Variants in SRPK2 observed in about 807,000 individuals in gnomAD.
SRPK2 encodes SRSF protein kinase 2, also known as SFRS protein kinase 2.
In SRPK2, 21 loss-of-function variants were observed where a neutral mutation model predicts 90.8. The observed-to-expected ratio is 0.23, with a 90% confidence interval of 0.16 to 0.33. The LOEUF (loss-of-function observed/expected upper bound fraction) is 0.33, where lower values mean the gene tolerates loss of function less well. Ranked by LOEUF, SRPK2 falls within the 10% of genes least tolerant of loss-of-function variation. The pLI is 1.00. For missense variants in SRPK2, 620 were observed against 869.0 expected, an observed-to-expected ratio of 0.71 and a Z score of 3.60; for synonymous variants, 288 against 311.1, an observed-to-expected ratio of 0.93 and a Z score of 0.78.
intron 2 of SRPK2, among the ~76,000 whole-genome samples, chr7:105,333,834 A>G (rs1039577377): frequency 1.3e-5 from 2 of 152,270 alleles, no homozygotes; most frequent in Non-Finnish European, 2.9e-5. Context: ...AATATACTAT[A>G]TTTATACCAT....
upstream of SRPK2, among the ~76,000 whole-genome samples, chr7:105,389,840 C>T (rs1021286802): frequency 2.6e-5 from 4 of 152,140 alleles, no homozygotes; most frequent in Non-Finnish European, 5.9e-5. Context: ...TTGAAAGATA[C>T]GCATTCTGAC....
At chr7:105,344,416 T>C (rs1441332743) in intron 2 of SRPK2, among the ~76,000 whole-genome samples, 1 of 144,082 alleles carries the variant, frequency 6.9e-6, no homozygotes, top group Non-Finnish European at 1.5e-5. Flanking sequence ...CCTTTTTTTT[T>C]TTTTTTTTTT....
At chr7:105,385,124 G>A (rs1821391299) in intron 2 of SRPK2, among the ~76,000 whole-genome samples, 1 of 146,112 alleles carries the variant, frequency 6.8e-6, no homozygotes, top group Admixed American at 7.0e-5. Context: ...CGCCCGCCTC[G>A]GCCTCCCAAA....
intron 2 of SRPK2, among the ~76,000 whole-genome samples, chr7:105,232,575 GT>G (rs1317117700): frequency 6.7e-6 from 1 of 149,970 alleles, no homozygotes; most frequent in East Asian, 2.0e-4. Context: ...TCAAACACTT[GT>G]AATCTAAGTC....
chr7:105,379,748 G>A (rs1011500687), intron 2 of SRPK2, among the ~76,000 whole-genome samples: 3 of 152,200 alleles, frequency 2.0e-5, no homozygotes, highest in African/African-American at 7.2e-5. Flanking sequence ...GGAAGCCGAG[G>A]CGGGCAGATC....
chr7:105,378,151 C>T (rs932578848), intron 2 of SRPK2, among the ~76,000 whole-genome samples: 3 of 152,124 alleles, frequency 2.0e-5, no homozygotes, highest in African/African-American at 7.2e-5. Context: ...CATGTTGACA[C>T]CAACTGCAGT....
intron 2 of SRPK2, among the ~76,000 whole-genome samples, chr7:105,314,310 C>T (rs1181958151): frequency 2.6e-5 from 4 of 152,024 alleles, no homozygotes; most frequent in South Asian, 2.1e-4. Flanking sequence ...CCAGCCTGGA[C>T]GACAGAGTAA....
At chr7:105,271,268 T>C (rs964090500) in intron 2 of SRPK2, among the ~76,000 whole-genome samples, 2 of 152,244 alleles carry the variant, frequency 1.3e-5, no homozygotes, top group Admixed American at 6.5e-5. Flanking sequence ...ACGAAGTTAA[T>C]GCCTATCTTG....
intron 2 of SRPK2, among the ~76,000 whole-genome samples, chr7:105,277,564 G>A (rs956045446): frequency 6.6e-6 from 1 of 152,196 alleles, no homozygotes; most frequent in Non-Finnish European, 1.5e-5. Flanking sequence ...CGTAATCTAG[G>A]AGGGTGGATG....
chr7:105,117,170 C>T lies in SRPK2; in HGVS notation c.*668G>A, dbSNP rs546107634. ...CCATATAGAGAATGACATCTTATAA[C>T]CCAGAGCCACTTTGTTTAAAATCCA... On this transcript the variant is annotated 3_prime_UTR_variant, in exon 16 of 16. Transcript: ENST00000393651. 6.6e-6 allele frequency: 1 copy of T among 152,120 alleles called. No homozygotes were observed. Among genetic ancestry groups the T allele is most frequent in the African/African-American group, 2.4e-5 (1 of 41,408 alleles). The allele number at this position is 152,120 out of a possible 1,614,324, so 9.4% of individuals were successfully genotyped here. A position where few individuals can be genotyped will look rare whatever the true frequency, so the allele number is the denominator to read the frequency against.
chr7:105,353,503 TTTG>T (rs34789062), intron 2 of SRPK2, among the ~76,000 whole-genome samples: 15,461 of 146,104 alleles, frequency 0.11, 977 homozygotes, highest in East Asian at 0.21. Flanking sequence ...TCCAGCCCAG[TTTG>T]TTGTTGTTGT....
downstream of SRPK2, among the ~76,000 whole-genome samples, chr7:105,116,131 T>C (rs1043894570): frequency 6.6e-6 from 1 of 152,202 alleles, no homozygotes; most frequent in African/African-American, 2.4e-5. Context: ...TAGTATGTTT[T>C]TGATGAACCA....
rs1799754740 is a variant in SRPK2 at position 105,117,607 on chromosome 7, T to A, written c.*231A>T. 1 of 543,624 alleles carries A rather than the reference T, an allele frequency of 1.8e-6. No individual in the cohort carries two copies. The highest frequency in any genetic ancestry group is 1.9e-5 in the African/African-American group (1 of 52,066). 33.7% of individuals were successfully genotyped at this position (543,624 alleles called of 1,614,324 possible). Reference sequence around the variant, plus strand: ...AACAATGCTTAGAGACATGTTATTGTTTCCAGAAGAAAATGGTCAGTAAAC... The same window carrying A: ...AACAATGCTTAGAGACATGTTATTGATTCCAGAAGAAAATGGTCAGTAAAC... On this transcript the variant is annotated 3_prime_UTR_variant, in exon 16 of 16. Transcript: ENST00000393651.
At chr7:105,324,580 A>G (rs958994220) in intron 2 of SRPK2, among the ~76,000 whole-genome samples, 2 of 152,212 alleles carry the variant, frequency 1.3e-5, no homozygotes, top group Non-Finnish European at 2.9e-5. Context: ...TTGCTGTTTT[A>G]GTGAGAGTGT....
At position 105,380,116 on chromosome 7, in the gene SRPK2, A is replaced by G. The variant is rs554537259; in HGVS notation, c.71+8532T>C. Among the ~76,000 whole-genome samples the G allele has an allele frequency of 1.2e-4, 18 of 152,346 alleles. No homozygotes were observed. The South Asian group carries it at 3.5e-3, about 30-fold the overall frequency. On this transcript the variant is annotated intron_variant, in intron 2 of 15. Transcript: ENST00000393651. ...CAAAGCAAGATCCTATCTCTAAAAAAGAAAATTAAAATTAAAAATGATGTT... is the reference window on the plus strand; with the variant it reads ...CAAAGCAAGATCCTATCTCTAAAAAGGAAAATTAAAATTAAAAATGATGTT...
intron 2 of SRPK2, among the ~76,000 whole-genome samples, chr7:105,260,562 T>C (rs1004357499): frequency 1.3e-5 from 2 of 152,218 alleles, no homozygotes; most frequent in Non-Finnish European, 2.9e-5. Context: ...TAAATCATGC[T>C]GCTATAAAGA....
intron 3 of SRPK2, among the ~76,000 whole-genome samples, chr7:105,190,875 G>A (rs867951527): frequency 6.6e-6 from 1 of 152,068 alleles, no homozygotes; most frequent in Non-Finnish European, 1.5e-5. Context: ...ATCCAACTGC[G>A]ACTTCACTGT....
At position 105,278,471 on chromosome 7, in the gene SRPK2, C is replaced by G. The variant is rs536310769; in HGVS notation, c.72-74686G>C. On this transcript the variant is annotated intron_variant, in intron 2 of 15. Coordinates refer to ENST00000393651, the MANE Select transcript of SRPK2 (RefSeq NM_182692.3). ...GGTGGATGACCTGAGGTCCGCAGTT[C>G]GAGACCAGCCTGGCCAACACGGTGA... Among the ~76,000 whole-genome samples, 6 of 147,968 alleles carry G rather than the reference C, an allele frequency of 4.1e-5. No individual in the cohort carries two copies. The South Asian group carries it at 1.3e-3, about 31-fold the overall frequency.
intron 2 of SRPK2, among the ~76,000 whole-genome samples, chr7:105,348,807 T>C (rs1816791400): frequency 6.6e-6 from 1 of 152,022 alleles, no homozygotes; most frequent in South Asian, 2.1e-4. Flanking sequence ...AAGAAAGTTA[T>C]CATTCATGCC....
Sources: gnomAD v4.1 joint callset for allele counts (sites outside exome capture counted in the v4.1 genomes callset) on GRCh38, gnomAD v4.1.1 for gene constraint, MANE v1.5 for transcripts, NCBI Gene and HGNC (gene_info 2026-07-23, HGNC 2026-07-21) for gene names.